Variants in ARHGAP29 observed in about 807,000 individuals in gnomAD.
ARHGAP29 encodes rho GTPase-activating protein 29.
Under a neutral mutation model 122.6 loss-of-function variants are expected in ARHGAP29, and 43 were observed. That is an observed-to-expected ratio of 0.35 (90% confidence interval 0.27 to 0.45). The LOEUF (loss-of-function observed/expected upper bound fraction) is 0.45, where lower values mean the gene tolerates loss of function less well. ARHGAP29 is among the 20% of genes least tolerant of loss of function. ARHGAP29 has a pLI of 1.00. For synonymous variants in ARHGAP29, 506 were observed against 497.1 expected, an observed-to-expected ratio of 1.02 and a Z score of -0.24; for missense variants, 1,303 against 1,477.2, an observed-to-expected ratio of 0.88 and a Z score of 1.93.
At chr1:94,275,298 C>T (rs1364847622), upstream of ARHGAP29, among the ~76,000 whole-genome samples, 1 of 152,166 alleles carries the variant, frequency 6.6e-6, no homozygotes, top group African/African-American at 2.4e-5. Context: ...TTACAAACAT[C>T]TTACTAAGAA....
At chr1:94,270,471 C>T (rs1375150906) in intron 1 of ARHGAP29, among the ~76,000 whole-genome samples, 2 of 152,188 alleles carry the variant, frequency 1.3e-5, no homozygotes, top group African/African-American at 2.4e-5. Context: ...GTTATTTTGG[C>T]GCTGCCATAT....
upstream of ARHGAP29, among the ~76,000 whole-genome samples, chr1:94,275,421 TG>T (rs1655146458): frequency 6.6e-6 from 1 of 152,204 alleles, no homozygotes; most frequent in Non-Finnish European, 1.5e-5. Context: ...GAGTCAACTT[TG>T]TTGCTCTAAT....
At chr1:94,268,163 A>C (rs1270697957) in intron 1 of ARHGAP29, among the ~76,000 whole-genome samples, 2 of 152,152 alleles carry the variant, frequency 1.3e-5, no homozygotes, top group Non-Finnish European at 2.9e-5. Context: ...ATAGCCCTTG[A>C]AACTCTTAGT....
At chr1:94,250,920 AT>A (rs1303593027) in intron 1 of ARHGAP29, among the ~76,000 whole-genome samples, 2 of 152,306 alleles carry the variant, frequency 1.3e-5, no homozygotes, top group Admixed American at 6.5e-5. Context: ...AGTAATATGT[AT>A]AAGGTAACTC....
upstream of ARHGAP29, among the ~76,000 whole-genome samples, chr1:94,240,834 A>C (rs910628914): frequency 6.6e-6 from 1 of 152,212 alleles, no homozygotes; most frequent in African/African-American, 2.4e-5. Context: ...ACCAGACTGC[A>C]CAGATTAGTA....
the ARHGAP29 span, among the ~76,000 whole-genome samples, chr1:94,307,933 CT>C: frequency 6.6e-6 from 1 of 152,216 alleles, no homozygotes; most frequent in Admixed American, 6.5e-5. Flanking sequence ...ACAGTTCTGC[CT>C]AGCAAAGCAC....
chr1:94,170,402 G>A lies in ARHGAP29; in HGVS notation c.*3467C>T, dbSNP rs980054770. ...CTGGCCAATCCTCCTCAAGTGTCAA[G>A]GTCAAAGACAAGTCTGAAAAGATGT... On this transcript the variant is annotated 3_prime_UTR_variant, in exon 23 of 23. Coordinates refer to ENST00000260526, the MANE Select transcript of ARHGAP29 (RefSeq NM_004815.4). Among the ~76,000 whole-genome samples the A allele has an allele frequency of 2.4e-4, 36 of 152,266 alleles. No homozygotes were observed. The highest frequency in any genetic ancestry group is 4.3e-4 in the Non-Finnish European group (29 of 68,010).
chr1:94,237,905 A>T (rs950435702), upstream of ARHGAP29, among the ~76,000 whole-genome samples: 2 of 151,992 alleles, frequency 1.3e-5, no homozygotes, highest in Non-Finnish European at 2.9e-5. Context: ...ACTTCTGTGG[A>T]TCGCCTTTTT....
Position 94,184,938 on chromosome 1 carries a change from T to C in ARHGAP29, c.2043A>G (p.Pro681=), listed in dbSNP as rs1451917679. ...AEFTQVAKKE[P]DGIPFILKIC... is the part of the protein sequence containing the mutation. ...TTTTGAGTATAAAAGGGATACCATC[T>C]GGTTCCTTTTTTGCAACTTGTGTGA... Residue 681 remains proline (P), a synonymous_variant, in exon 18 of 23, where the codon CCA becomes CCG. Transcript: ENST00000260526. The C allele has an allele frequency of 3.7e-6, 6 of 1,613,572 alleles. No individual in the cohort carries two copies. Among genetic ancestry groups the C allele is most frequent in the Non-Finnish European group, 5.1e-6 (6 of 1,179,802 alleles).
At chr1:94,212,897 T>TA (rs1364327023) in intron 3 of ARHGAP29, among the ~76,000 whole-genome samples, 2 of 152,176 alleles carry the variant, frequency 1.3e-5, no homozygotes, top group Non-Finnish European at 1.5e-5. Flanking sequence ...CAAAACCCTA[T>TA]ACCAACTTTA....
At position 94,205,167 on chromosome 1, in the gene ARHGAP29, C is replaced by A; in HGVS notation, c.591G>T (p.Val197=). Residue 197 remains valine, a synonymous_variant, in exon 7 of 23, where the codon GTG becomes GTT. Transcript: ENST00000260526. ...CGATAGAGTCAGTGTTCTTTAACAG[C>A]ACGTTGTCTAGTTCTAAAGGGGAAA... is the stretch of plus-strand genomic sequence containing the variant. The part of the protein sequence containing the change: ...GNFSPLELDN[V]LLKNTDSIEL... 1 of 1,602,378 alleles carries A rather than the reference C, an allele frequency of 6.2e-7. No individual in the cohort carries two copies. Among genetic ancestry groups the A allele is most frequent in the Admixed American group, 1.7e-5 (1 of 57,612 alleles).
Position 94,203,162 on chromosome 1 carries a change from T to C in ARHGAP29, c.811A>G (p.Ile271Val), listed in dbSNP as rs768305509. Residue 271 changes from isoleucine to valine, a missense_variant, in exon 9 of 23, where the codon ATA becomes GTA. Around this residue, in one of 3 missense-constraint regions of ARHGAP29, gnomAD observed 592 missense variants for 648.2 expected, o/e 0.91. Coordinates refer to ENST00000260526, the MANE Select transcript of ARHGAP29 (RefSeq NM_004815.4). ...SLFTNALLND[I>V]ESSHLLQQTI... The stretch of plus-strand genomic sequence containing the variant: ...TGTTGTAAAAGGTGACTGCTTTCTA[T>C]ATCATTAAGAAGAGCATTAGTAAAC... 1.2e-6 allele frequency: 2 copies of C among 1,613,362 alleles called. No individual in the cohort carries two copies. The highest frequency in any genetic ancestry group is 1.1e-5 in the South Asian group (1 of 90,820).
chr1:94,200,793 T>C (rs141332130), intron 12 of ARHGAP29, among the ~76,000 whole-genome samples: 204 of 152,346 alleles, frequency 1.3e-3, no homozygotes, highest in African/African-American at 4.8e-3. Context: ...GGTTATATAC[T>C]ATATGATTTC....
the ARHGAP29 span, among the ~76,000 whole-genome samples, chr1:94,286,129 G>A: frequency 1.1e-3 from 165 of 152,198 alleles, no homozygotes; most frequent in Non-Finnish European, 1.5e-3. Flanking sequence ...GCATGGTCAG[G>A]GTCTGTTGAG....
intron 1 of ARHGAP29, among the ~76,000 whole-genome samples, chr1:94,267,602 T>C (rs1654820915): frequency 6.6e-6 from 1 of 151,990 alleles, no homozygotes; most frequent in Non-Finnish European, 1.5e-5. Flanking sequence ...TCTTCCATTT[T>C]ATACACGAAT....
chr1:94,190,587 C>T (rs1650072943), intron 12 of ARHGAP29: 2 of 152,408 alleles, frequency 1.3e-5, no homozygotes, highest in Non-Finnish European at 2.9e-5. Context: ...ATAAATTATT[C>T]CATTGAGTTT....
chr1:94,275,837 T>C (rs559042555), upstream of ARHGAP29, among the ~76,000 whole-genome samples: 5 of 152,020 alleles, frequency 3.3e-5, no homozygotes, highest in Non-Finnish European at 7.4e-5. Flanking sequence ...AAAAATTAGG[T>C]CAGTTTTTGG....
the ARHGAP29 span, chr1:94,302,615 G>A: frequency 2.4e-6 from 1 of 414,934 alleles, no homozygotes; most frequent in Non-Finnish European, 4.8e-6. Context: ...TGATGGCCAT[G>A]GGGCTCTCCA....
chr1:94,302,546 A>T, the ARHGAP29 span: 4 of 325,400 alleles, frequency 1.2e-5, no homozygotes, highest in Non-Finnish European at 2.4e-5. Context: ...TCAGCATCAC[A>T]GTCCATGCCA....
Sources: allele counts gnomAD v4.1 joint callset (sites outside exome capture counted in the v4.1 genomes callset), GRCh38; gene constraint gnomAD v4.1.1; regional missense constraint gnomAD v4.1.1; transcripts MANE v1.5; gene names NCBI Gene and HGNC (gene_info 2026-07-23, HGNC 2026-07-21).